Variants in SUMF1 observed in about 807,000 individuals in gnomAD.
The protein encoded by SUMF1 is sulfatase modifying factor 1.
A neutral mutation model predicts 47.6 loss-of-function variants in SUMF1; 48 were observed. That is an observed-to-expected ratio of 1.01 (90% CI 0.80 to 1.28). The LOEUF is 1.28. SUMF1 is among the 50% of genes most tolerant of loss of function. The pLI, the probability that SUMF1 is intolerant of heterozygous loss-of-function variation, is 0.00. For missense variants in SUMF1, 571 were observed against 485.4 expected (o/e 1.18, Z -1.66); for synonymous variants, 230 against 192.1 (o/e 1.20, Z -1.63).
chr3:4,162,263 G>C (rs545194264), intron 8 of SUMF1, among the ~76,000 whole-genome samples: 1 of 152,144 alleles, frequency 6.6e-6, no homozygotes, highest in Non-Finnish European at 1.5e-5. Flanking sequence ...AGCAAGCTGC[G>C]CTACCTGAGG....
chr3:4,100,446 G>A (rs558496382), intron 8 of SUMF1, among the ~76,000 whole-genome samples: 1 of 151,868 alleles, frequency 6.6e-6, no homozygotes, highest in African/African-American at 2.4e-5. Context: ...GGAAAAGATG[G>A]TCTCGTCAAT....
intron 8 of SUMF1, among the ~76,000 whole-genome samples, chr3:4,070,929 C>T (rs952547820): frequency 9.2e-5 from 14 of 152,112 alleles, no homozygotes; most frequent in African/African-American, 3.4e-4. Flanking sequence ...CCGTGCCTGG[C>T]CTCCTTTCAG....
At chr3:4,099,250 G>A (rs1035268418) in intron 8 of SUMF1, among the ~76,000 whole-genome samples, 10 of 152,022 alleles carry the variant, frequency 6.6e-5, no homozygotes, top group Non-Finnish European at 1.2e-4. Flanking sequence ...TATTATAAGA[G>A]GTTGTGGTGG....
intron 3 of SUMF1, among the ~76,000 whole-genome samples, chr3:4,443,938 A>T (rs1702693264): frequency 6.6e-6 from 1 of 152,188 alleles, no homozygotes; most frequent in African/African-American, 2.4e-5. Context: ...TGAAGTTTAA[A>T]AAAAAATTGT....
At chr3:4,348,233 G>A (rs369267276) in intron 8 of SUMF1, among the ~76,000 whole-genome samples, 11 of 152,048 alleles carry the variant, frequency 7.2e-5, no homozygotes, top group East Asian at 3.9e-4. Context: ...AATTCTGAGC[G>A]AAAAGAACAA....
intron 8 of SUMF1, among the ~76,000 whole-genome samples, chr3:4,196,311 T>C (rs1559555794): frequency 6.6e-6 from 1 of 152,036 alleles, no homozygotes; most frequent in Non-Finnish European, 1.5e-5. Flanking sequence ...GAGGAGTCTA[T>C]CTCTAAACCA....
chr3:4,159,999 C>A lies in SUMF1; in HGVS notation c.1015-91254G>T, dbSNP rs542765016. 2.8e-4 allele frequency among the ~76,000 whole-genome samples: 42 copies of A among 152,172 alleles called. 3 individuals carry two copies. The highest frequency in any genetic ancestry group is 9.9e-4 in the African/African-American group (41 of 41,518). On this transcript the variant is annotated intron_variant and NMD_transcript_variant, in intron 8 of 12. Coordinates refer to the SUMF1 transcript ENST00000448413. ...TTTAGAATCCTTTCTTTATCCTTGACATTTGGGAGTTTGATTATTAAATGC... is the reference window on the plus strand; with the variant it reads ...TTTAGAATCCTTTCTTTATCCTTGAAATTTGGGAGTTTGATTATTAAATGC...
downstream of SUMF1, among the ~76,000 whole-genome samples, chr3:4,357,915 A>C (rs1043676466): frequency 3.3e-5 from 5 of 151,768 alleles, no homozygotes; most frequent in Admixed American, 2.6e-4. Flanking sequence ...GCCCCGACCA[A>C]CTCTTACTAA....
At chr3:4,319,777 G>A (rs1698783891) in intron 8 of SUMF1, among the ~76,000 whole-genome samples, 2 of 152,100 alleles carry the variant, frequency 1.3e-5, no homozygotes, top group African/African-American at 2.4e-5. Flanking sequence ...ATAAGTGAAT[G>A]GATAAACAAA....
At chr3:4,389,146 G>T (rs1700769314) in intron 7 of SUMF1, among the ~76,000 whole-genome samples, 1 of 152,040 alleles carries the variant, frequency 6.6e-6, no homozygotes. Context: ...GGATAGGCTG[G>T]CTAGCAACAA....
At chr3:4,136,261 C>T (rs1693927194) in intron 8 of SUMF1, among the ~76,000 whole-genome samples, 2 of 152,274 alleles carry the variant, frequency 1.3e-5, no homozygotes, top group Non-Finnish European at 2.9e-5. Flanking sequence ...CAGCATGGTA[C>T]TGGTACCAAA....
intron 8 of SUMF1, among the ~76,000 whole-genome samples, chr3:4,216,899 C>A (rs556909059): frequency 1.3e-5 from 2 of 152,266 alleles, no homozygotes; most frequent in South Asian, 4.1e-4. Context: ...AATAGGAATG[C>A]TGTTACACTG....
chr3:4,160,824 G>C (rs760575481), intron 8 of SUMF1, among the ~76,000 whole-genome samples: 1 of 151,996 alleles, frequency 6.6e-6, no homozygotes, highest in African/African-American at 2.4e-5. Flanking sequence ...TTAGTCCTTA[G>C]TCTCTTATTT....
intron 8 of SUMF1, among the ~76,000 whole-genome samples, chr3:4,145,141 G>A (rs1419844559): frequency 2.0e-5 from 3 of 149,470 alleles, no homozygotes; most frequent in African/African-American, 7.5e-5. Flanking sequence ...TGCAGTGAGC[G>A]GCCATCGCGC....
intron 1 of SUMF1, among the ~76,000 whole-genome samples, chr3:4,466,162 A>G (rs2079939427): frequency 6.6e-6 from 1 of 151,758 alleles, no homozygotes; most frequent in Non-Finnish European, 1.5e-5. Flanking sequence ...CCCAGGCTGG[A>G]GTGCAGTGGC....
At chr3:4,318,128 A>G (rs1698733552) in intron 8 of SUMF1, among the ~76,000 whole-genome samples, 1 of 152,174 alleles carries the variant, frequency 6.6e-6, no homozygotes, top group African/African-American at 2.4e-5. Flanking sequence ...GAAGACATGG[A>G]TACCATAACC....
intron 7 of SUMF1, among the ~76,000 whole-genome samples, chr3:4,403,304 G>A (rs1021991794): frequency 2.5e-4 from 38 of 152,036 alleles, no homozygotes; most frequent in African/African-American, 8.5e-4. Flanking sequence ...TCTTAACTGC[G>A]GATGTAATCT....
At chr3:4,286,329 T>C (rs13086302) in intron 8 of SUMF1, among the ~76,000 whole-genome samples, 62,180 of 151,882 alleles carry the variant, frequency 0.41, 13,050 homozygotes, top group African/African-American at 0.45. Flanking sequence ...TCTGCATCTA[T>C]AGGAAAACAA....
At chr3:4,197,944 G>A (rs1021076677) in intron 8 of SUMF1, among the ~76,000 whole-genome samples, 5 of 151,590 alleles carry the variant, frequency 3.3e-5, no homozygotes, top group Non-Finnish European at 7.4e-5. Flanking sequence ...CAATGAACAG[G>A]GTAATCTTTA....
Sources: allele counts gnomAD v4.1 joint callset (sites outside exome capture counted in the v4.1 genomes callset), GRCh38; gene constraint gnomAD v4.1.1; transcripts MANE v1.5; gene names NCBI Gene and HGNC (gene_info 2026-07-23, HGNC 2026-07-21).